Variants in EYS observed in about 807,000 individuals in gnomAD.
EYS encodes EGF-like photoreceptor maintenance factor.
A neutral mutation model predicts 282.1 loss-of-function variants in EYS; 250 were observed. The ratio of observed to expected loss-of-function variants is 0.89; its 90% CI spans 0.80 to 0.98. EYS has a LOEUF of 0.98. EYS is among the 50% of genes least tolerant of loss of function. The pLI is 0.00. For missense variants in EYS, 4,016 were observed against 3,709.0 expected (o/e 1.08, Z -2.15); for synonymous variants, 1,355 against 1,282.9 (o/e 1.06, Z -1.20).
At chr6:65,009,392 C>T (rs1484753798) in intron 13 of EYS, among the ~76,000 whole-genome samples, 2 of 152,016 alleles carry the variant, frequency 1.3e-5, no homozygotes, top group Non-Finnish European at 2.9e-5. Flanking sequence ...TGCCATTGTC[C>T]CTCTATACCC....
chr6:65,670,517 A>G (rs941364982), intron 1 of EYS, among the ~76,000 whole-genome samples: 1 of 152,072 alleles, frequency 6.6e-6, no homozygotes, highest in Non-Finnish European at 1.5e-5. Context: ...ACAGATGCCT[A>G]TGATCTTTAT....
At chr6:63,917,808 G>A (rs747107740) in intron 35 of EYS, among the ~76,000 whole-genome samples, 1 of 152,166 alleles carries the variant, frequency 6.6e-6, no homozygotes, top group Admixed American at 6.5e-5. Flanking sequence ...GCATCACTCC[G>A]ATTTACTTTA....
chr6:64,594,288 A>C (rs929750750), intron 24 of EYS, among the ~76,000 whole-genome samples: 3 of 152,180 alleles, frequency 2.0e-5, no homozygotes, highest in Non-Finnish European at 4.4e-5. Context: ...TCATACTTTT[A>C]GGAAAGAACT....
chr6:64,636,162 A>C (rs1210638851), intron 22 of EYS, among the ~76,000 whole-genome samples: 1 of 152,188 alleles, frequency 6.6e-6, no homozygotes, highest in Non-Finnish European at 1.5e-5. Context: ...ACAAAGCCAG[A>C]AGCATCACGC....
intron 19 of EYS, among the ~76,000 whole-genome samples, chr6:64,831,033 A>G (rs1433250699): frequency 1.3e-5 from 2 of 151,970 alleles, no homozygotes; most frequent in Non-Finnish European, 2.9e-5. Context: ...GGAGGGATCA[A>G]CTGAGGCTTC....
chr6:64,362,239 C>T (rs1448019755), intron 29 of EYS, among the ~76,000 whole-genome samples: 5 of 151,682 alleles, frequency 3.3e-5, no homozygotes, highest in Non-Finnish European at 7.4e-5. Flanking sequence ...GCATAAGCAA[C>T]AAAATCTATA....
intron 12 of EYS, among the ~76,000 whole-genome samples, chr6:65,126,160 C>T (rs774113586): frequency 1.3e-5 from 2 of 151,844 alleles, no homozygotes; most frequent in Non-Finnish European, 2.9e-5. Flanking sequence ...CCTTTTATAC[C>T]CATTTCTTGG....
chr6:65,100,317 G>A (rs1774859010), intron 12 of EYS, among the ~76,000 whole-genome samples: 1 of 150,602 alleles, frequency 6.6e-6, no homozygotes. Flanking sequence ...CAAGCTTTTT[G>A]TTAAGTCTGA....
In EYS at chr6:65,664,737, A is replaced by G. The variant is rs1043634208; in HGVS notation, c.-447-24845T>C. ...ATAAACAGGATAATAATTTGTTTTC[A>G]TATTATTTCTTTCAGAGGGAGTAAA... On this transcript the variant is annotated intron_variant, in intron 1 of 42. Coordinates refer to ENST00000503581, the MANE Select transcript of EYS (RefSeq NM_001142800.2). Among the ~76,000 whole-genome samples, 6 of 152,142 alleles carry G rather than the reference A, an allele frequency of 3.9e-5. No individual in the cohort carries two copies. In the East Asian group the frequency reaches 5.8e-4, roughly 15 times the overall value.
At chr6:64,016,701 A>G in intron 33 of EYS, among the ~76,000 whole-genome samples, 1 of 151,802 alleles carries the variant, frequency 6.6e-6, no homozygotes, top group African/African-American at 2.4e-5. Flanking sequence ...GCCTCAAACT[A>G]CTGTGCTCAA....
intron 26 of EYS, among the ~76,000 whole-genome samples, chr6:64,553,545 A>ATCCCC (rs1765150929): frequency 8.6e-5 from 4 of 46,456 alleles, no homozygotes; most frequent in African/African-American, 1.3e-4. Context: ...CTTTTGTTTG[A>ATCCCC]CCCCCCCCCC....
chr6:65,455,260 G>C (rs9363367), intron 5 of EYS, among the ~76,000 whole-genome samples: 28,140 of 151,898 alleles, frequency 0.19, 3,247 homozygotes, highest in Middle Eastern at 0.3. Context: ...TTTTATAGCT[G>C]TTGCAAATGA....
rs148147697 is a variant in EYS at position 64,186,931 on chromosome 6, G to A, written c.6424+43661C>T. On this transcript the variant is annotated intron_variant, in intron 31 of 42. Transcript: ENST00000503581. ...TTAGTTGTACTGTTTTCTTATCCCC[G>A]CTCCGACGCACTTGGGGAGCACACA... Among the ~76,000 whole-genome samples the A allele has an allele frequency of 3.7e-3, 558 of 152,162 alleles. 3 individuals are homozygous for A. Among genetic ancestry groups the A allele is most frequent in the African/African-American group, 0.013 (522 of 41,518 alleles).
At chr6:64,158,023 G>A (rs1192421661) in intron 31 of EYS, among the ~76,000 whole-genome samples, 1 of 152,208 alleles carries the variant, frequency 6.6e-6, no homozygotes, top group Non-Finnish European at 1.5e-5. Flanking sequence ...AAGCAGCTGG[G>A]AGGGAGGCTG....
intron 1 of EYS, among the ~76,000 whole-genome samples, chr6:65,676,050 A>G (rs1768575510): frequency 1.3e-5 from 2 of 151,820 alleles, no homozygotes. Flanking sequence ...ATGAAAACCT[A>G]ACATACCAAA....
chr6:64,424,064 GAGAA>G (rs140990033), intron 28 of EYS, among the ~76,000 whole-genome samples: 2,972 of 152,138 alleles, frequency 0.02, 250 homozygotes, highest in Admixed American at 0.14. Context: ...CCATTTTAGT[GAGAA>G]AGTTCTTCAA....
chr6:65,351,249 G>A (rs1764264672), intron 9 of EYS, among the ~76,000 whole-genome samples: 1 of 151,654 alleles, frequency 6.6e-6, no homozygotes, highest in Non-Finnish European at 1.5e-5. Flanking sequence ...GAAAGCCCAA[G>A]TCATTTAGAT....
intron 26 of EYS, among the ~76,000 whole-genome samples, chr6:64,464,687 C>T (rs536089214): frequency 2.6e-5 from 4 of 152,070 alleles, no homozygotes; most frequent in Admixed American, 6.5e-5. Flanking sequence ...GGTGATATAA[C>T]AAATGTTTCC....
intron 18 of EYS, among the ~76,000 whole-genome samples, chr6:64,899,231 A>T (rs1271589810): frequency 6.6e-6 from 1 of 152,156 alleles, no homozygotes; most frequent in African/African-American, 2.4e-5. Flanking sequence ...AGCAAATGCA[A>T]AAGAATGGAA....
Sources: allele counts gnomAD v4.1 joint callset (sites outside exome capture counted in the v4.1 genomes callset), GRCh38; gene constraint gnomAD v4.1.1; transcripts MANE v1.5; gene names NCBI Gene and HGNC (gene_info 2026-07-23, HGNC 2026-07-21).